The following FAM136A variants were observed in gnomAD, a reference collection of about 807,000 sequenced individuals.
The protein encoded by FAM136A is TIM double twin CX3C motif protein.
A neutral mutation model predicts 21.6 loss-of-function variants in FAM136A; 25 were observed. The ratio of observed to expected loss-of-function variants is 1.16; its 90% confidence interval spans 0.84 to 1.62. FAM136A has a LOEUF of 1.62. FAM136A is among the 40% of genes most tolerant of loss of function. FAM136A has a pLI of 0.00. For missense variants in FAM136A, 338 were observed against 332.0 expected (o/e 1.02, Z -0.14); for synonymous variants, 119 against 129.4 (o/e 0.92, Z 0.55).
At chr2:70,300,245 G>A (rs1697359644) in intron 2 of FAM136A, among the ~76,000 whole-genome samples, 1 of 152,194 alleles carries the variant, frequency 6.6e-6, no homozygotes, top group Non-Finnish European at 1.5e-5. Flanking sequence ...TGGTGGTTAT[G>A]TCAAAAGGAA....
At chr2:70,301,091 C>A in intron 1 of FAM136A, 111 bp from the exon 2 acceptor site, 1 of 1,288,916 alleles carries the variant, frequency 7.8e-7, no homozygotes, top group Non-Finnish European at 1.1e-6. Context: ...TCTCTCTCCA[C>A]CTTCTGCTTT....
Position 70,297,351 on chromosome 2 carries a change from T to C in FAM136A, c.676A>G (p.Met226Val), listed in dbSNP as rs765459159. 8.7e-6 allele frequency: 14 copies of C among 1,613,940 alleles called. No homozygotes were observed. The East Asian group carries it at 2.9e-4, about 33-fold the overall frequency. ...TTGGTCATAGTTGGGATGAGGTGCATGTGGTCATCCACACACTTGGTCACA... is the reference window on the plus strand; with the variant it reads ...TTGGTCATAGTTGGGATGAGGTGCACGTGGTCATCCACACACTTGGTCACA... ...SCVTKCVDDH[M>V]HLIPTMTKKM... Residue 226 changes from methionine (M) to valine (V), a missense_variant, in exon 3 of 3, where the codon ATG (methionine) becomes GTG (valine). Physicochemically the swap from Met to Val is conservative, Grantham distance 21. Coordinates refer to ENST00000430566, the MANE Select transcript of FAM136A (RefSeq NM_001329752.2).
Position 70,296,592 on chromosome 2 carries a change from G to A in FAM136A, c.*697C>T, listed in dbSNP as rs1185744564. 3 of 152,230 alleles carry A rather than the reference G, an allele frequency of 2.0e-5. No homozygotes were observed. The allele number at this position is 152,230 out of a possible 1,614,324, so 9.4% of individuals were successfully genotyped here. ...TAATTAGTGTGTCATCACCTCTCAT[G>A]TTTCTGCACAGTCTCCAGGCTGAAA... On this transcript the variant is annotated 3_prime_UTR_variant, in exon 3 of 3. Coordinates refer to ENST00000430566, the MANE Select transcript of FAM136A (RefSeq NM_001329752.2).
rs779825246 is a variant in FAM136A at position 70,297,309 on chromosome 2, G to C, written c.718C>G (p.Leu240Val). The C allele has an allele frequency of 6.2e-7, 1 of 1,613,744 alleles. No individual in the cohort carries two copies. Among genetic ancestry groups the C allele is most frequent in the Admixed American group, 1.7e-5 (1 of 60,008 alleles). Reference sequence around the variant, plus strand: ...TACTTTTATTTTCCAATTGATAAGAGAGCCTCCTTCATCTTCTTGGTCATA... The same window carrying C: ...TACTTTTATTTTCCAATTGATAAGACAGCCTCCTTCATCTTCTTGGTCATA... Reference protein sequence around the residue: ...PTMTKKMKEALLSIGK With the variant: ...PTMTKKMKEAVLSIGK Residue 240 changes from leucine (L) to valine (V), a missense_variant, in exon 3 of 3, where the codon CTC becomes GTC. Physicochemically the swap from Leu to Val is conservative, Grantham distance 32. Transcript: ENST00000430566.
Position 70,297,160 on chromosome 2 carries a change from C to A in FAM136A, c.*129G>T. On this transcript the variant is annotated 3_prime_UTR_variant, in exon 3 of 3. Transcript: ENST00000430566. ...ATAACCAGTGTCCAGAGGCAAGTGA[C>A]ATATGCCTTACGCTTGTGGCCATCC... 2 of 901,554 alleles carry A rather than the reference C, an allele frequency of 2.2e-6. No homozygotes were observed. The allele number at this position is 901,554 out of a possible 1,614,324, so 55.8% of individuals were successfully genotyped here.
Position 70,297,057 on chromosome 2 carries a change from T to A in FAM136A, c.*232A>T, listed in dbSNP as rs1488114276. 6 of 484,900 alleles carry A rather than the reference T, an allele frequency of 1.2e-5. No homozygotes were observed. In the South Asian group the frequency reaches 1.5e-4, roughly 12 times the overall value. The allele number at this position is 484,900 out of a possible 1,614,324, so 30.0% of individuals were successfully genotyped here. The stretch of plus-strand genomic sequence containing the variant: ...ACTGGCCACAGGAAATAATAAGCTC[T>A]AAAACTCTCCTGTAATATCTCTGAC... On this transcript the variant is annotated 3_prime_UTR_variant, in exon 3 of 3. Coordinates refer to ENST00000430566, the MANE Select transcript of FAM136A (RefSeq NM_001329752.2).
intron 1 of FAM136A, 78 bp downstream of exon 1, chr2:70,301,526 C>A: frequency 1.3e-6 from 2 of 1,536,012 alleles, no homozygotes; most frequent in Non-Finnish European, 8.7e-7. Context: ...CATGACCTGG[C>A]CAACGGGGAG....
chr2:70,300,984 G>A lies in FAM136A; in HGVS notation c.409-4C>T, dbSNP rs1697381663. On this transcript the variant is annotated splice_region_variant and splice_polypyrimidine_tract_variant and intron_variant, in intron 1 of 2. Transcript: ENST00000430566. ...CGCTGCACCGGAACATGAGACCCTG[G>A]GGAGAAAGGGCAGAGAGGTTAGGTA... 6.2e-7 allele frequency: 1 copy of A among 1,609,082 alleles called. No individual in the cohort carries two copies. The highest frequency in any genetic ancestry group is 8.5e-7 in the Non-Finnish European group (1 of 1,175,956).
intron 1 of FAM136A, 182 bp downstream of exon 1, chr2:70,301,422 A>G: frequency 2.6e-6 from 4 of 1,534,508 alleles, no homozygotes; most frequent in Non-Finnish European, 3.5e-6. Flanking sequence ...TGAGAGAAGC[A>G]GGACCGAAAC....
At chr2:70,299,376 G>C (rs1697333532) in intron 2 of FAM136A, among the ~76,000 whole-genome samples, 1 of 152,192 alleles carries the variant, frequency 6.6e-6, no homozygotes, top group African/African-American at 2.4e-5. Flanking sequence ...CCAGGAATCA[G>C]TGAGTCAACA....
chr2:70,300,685 C>G lies in FAM136A; in HGVS notation c.549+155G>C, dbSNP rs532127202. The G allele has an allele frequency of 2.9e-5, 27 of 917,634 alleles. No homozygotes were observed. The South Asian group carries it at 6.0e-4, about 20-fold the overall frequency. The allele number at this position is 917,634 out of a possible 1,614,324, so 56.8% of individuals were successfully genotyped here. ...GGCACTCGACCGCCAAGACTTTTTC[C>G]AAAATTTCAAACCCTGTGAAAACTG... is the stretch of plus-strand genomic sequence containing the variant. On this transcript the variant is annotated intron_variant, in intron 2 of 2. Coordinates refer to ENST00000430566, the MANE Select transcript of FAM136A (RefSeq NM_001329752.2).
intron 2 of FAM136A, among the ~76,000 whole-genome samples, chr2:70,299,538 C>A (rs549793049): frequency 6.6e-6 from 1 of 152,170 alleles, no homozygotes; most frequent in East Asian, 1.9e-4. Flanking sequence ...GCTATCCTAC[C>A]TTTCTAGAGA....
chr2:70,301,066 G>A (rs1697384240), intron 1 of FAM136A, 86 bp from the exon 2 acceptor site: 15 of 1,445,880 alleles, frequency 1.0e-5, no homozygotes, highest in Admixed American at 2.1e-5. Flanking sequence ...AGAAGGCCAC[G>A]TGGATATTTG....
chr2:70,301,678 G>A lies in FAM136A; in HGVS notation c.334C>T (p.Arg112Trp), dbSNP rs1402077493. Residue 112 changes from arginine to tryptophan, a missense_variant, in exon 1 of 3, where the codon CGG becomes TGG. Arg to Trp is a moderately radical substitution (Grantham distance 101, BLOSUM62 -3). Coordinates refer to ENST00000430566, the MANE Select transcript of FAM136A (RefSeq NM_001329752.2). ...APSSPGQERP[R>W]RQVGSPWWQA... ...CACCAGGGGCTTCCCACCTGCCGCC[G>A]AGGACGCTCCTGCCCCGGGCTGGAA... is the stretch of plus-strand genomic sequence containing the variant. 2.0e-6 allele frequency: 3 copies of A among 1,535,018 alleles called. No individual in the cohort carries two copies. Among genetic ancestry groups the A allele is most frequent in the East Asian group, 4.9e-5 (2 of 40,894 alleles).
chr2:70,301,732 A>C lies in FAM136A; in HGVS notation c.280T>G (p.Leu94Val). The C allele has an allele frequency of 6.5e-7, 1 of 1,538,404 alleles. No individual in the cohort carries two copies. Among genetic ancestry groups the C allele is most frequent in the Non-Finnish European group, 8.7e-7 (1 of 1,146,468 alleles). Residue 94 changes from leucine to valine, a missense_variant, in exon 1 of 3, where the codon TTG becomes GTG. Coordinates refer to ENST00000430566, the MANE Select transcript of FAM136A (RefSeq NM_001329752.2). ...FGGSDEIRVP[L>V]PCARLFSAPS... Reference sequence around the variant, plus strand: ...GCGGAAAACAGCCTCGCGCACGGCAAGGGCACACGGATTTCATCCGATCCG... The same window carrying C: ...GCGGAAAACAGCCTCGCGCACGGCACGGGCACACGGATTTCATCCGATCCG...
intron 2 of FAM136A, 101 bp downstream of exon 2, chr2:70,300,739 A>G (rs891647242): frequency 6.5e-6 from 9 of 1,384,248 alleles, no homozygotes; most frequent in South Asian, 3.2e-5. Flanking sequence ...AACTGTTAAC[A>G]GAACCAAGAC....
chr2:70,301,790 C>A lies in FAM136A; in HGVS notation c.222G>T (p.Arg74=). 1.9e-6 allele frequency: 3 copies of A among 1,547,236 alleles called. No homozygotes were observed. Among genetic ancestry groups the A allele is most frequent in the Non-Finnish European group, 2.6e-6 (3 of 1,145,844 alleles). ...TTCCGAAGTCCTGTCCGAGGCCGCC[C>A]CGGCGACCCCAGGGCCGCCCACACC... ...QTGCGRPWGR[R]GGLGQDFGSF... Residue 74 remains arginine, a synonymous_variant, in exon 1 of 3, where the codon CGG becomes CGT. Transcript: ENST00000430566.
intron 2 of FAM136A, among the ~76,000 whole-genome samples, chr2:70,298,368 T>A (rs1402975786): frequency 6.6e-6 from 1 of 152,216 alleles, no homozygotes; most frequent in Admixed American, 6.5e-5. Context: ...AGTGCTGGGA[T>A]TATAGGTGTG....
At chr2:70,298,805 G>T (rs967362790) in intron 2 of FAM136A, among the ~76,000 whole-genome samples, 1 of 152,194 alleles carries the variant, frequency 6.6e-6, no homozygotes, top group Non-Finnish European at 1.5e-5. Context: ...CAGAAAACCA[G>T]GAGAGTGAGA....
Sources: allele counts gnomAD v4.1 joint callset (sites outside exome capture counted in the v4.1 genomes callset), GRCh38; gene constraint gnomAD v4.1.1; transcripts MANE v1.5; gene names NCBI Gene and HGNC (gene_info 2026-07-23, HGNC 2026-07-21).